DNAH14: variants seen among roughly 807,000 people sequenced by gnomAD.
The protein encoded by DNAH14 is dynein axonemal heavy chain 14, also known as axonemal beta dynein heavy chain 14.
Under a neutral mutation model 520.9 loss-of-function variants are expected in DNAH14, and 478 were observed. The ratio of observed to expected loss-of-function variants is 0.92; its 90% confidence interval spans 0.85 to 0.99. DNAH14 has a LOEUF of 0.99. Ranked by LOEUF, DNAH14 falls within the 50% of genes least tolerant of loss-of-function variation. The probability of loss-of-function intolerance (pLI) is 0.00; values close to 1 mark genes in which losing one functional copy is unlikely to be tolerated. For missense variants in DNAH14, 4,831 were observed against 5,234.5 expected, an observed-to-expected ratio of 0.92 and a Z score of 2.38; for synonymous variants, 1,581 against 1,757.2, an observed-to-expected ratio of 0.90 and a Z score of 2.51.
At chr1:225,361,435 G>A (rs1201188265) in intron 75 of DNAH14, among the ~76,000 whole-genome samples, 1 of 152,210 alleles carries the variant, frequency 6.6e-6, no homozygotes, top group African/African-American at 2.4e-5. Context: ...GTTTATTGCT[G>A]TAATTTGAGT....
At chr1:225,189,441 A>G (rs2085140302) in intron 37 of DNAH14, among the ~76,000 whole-genome samples, 1 of 148,822 alleles carries the variant, frequency 6.7e-6, no homozygotes, top group African/African-American at 2.5e-5. Flanking sequence ...GAGTTTGAGT[A>G]GGATTGGTGT....
intron 3 of DNAH14, among the ~76,000 whole-genome samples, chr1:224,957,146 A>G (rs1472212053): frequency 6.6e-6 from 1 of 152,166 alleles, no homozygotes; most frequent in Non-Finnish European, 1.5e-5. Flanking sequence ...GAGGCTGTAG[A>G]TATTCTGAAG....
chr1:224,989,337 A>G (rs187067081), intron 8 of DNAH14, among the ~76,000 whole-genome samples: 60 of 152,306 alleles, frequency 3.9e-4, no homozygotes, highest in Non-Finnish European at 2.1e-4. Flanking sequence ...GTAATTATAA[A>G]TGGGATTGAG....
At chr1:225,113,785 G>T (rs190241261) in intron 23 of DNAH14, among the ~76,000 whole-genome samples, 20 of 152,266 alleles carry the variant, frequency 1.3e-4, no homozygotes, top group Non-Finnish European at 1.3e-4. Flanking sequence ...AGGGAGTACT[G>T]CCGGGGTACC....
At chr1:225,289,835 A>C in intron 54 of DNAH14, 50 bp from the exon 55 acceptor site, 1 of 1,218,620 alleles carries the variant, frequency 8.2e-7, no homozygotes, top group Non-Finnish European at 1.1e-6. Context: ...TATACGTTGA[A>C]AGATTCCCAG....
chr1:225,377,199 G>A (rs2095712112), intron 78 of DNAH14, 38 bp from the exon 79 acceptor site: 12 of 1,390,702 alleles, frequency 8.6e-6, no homozygotes, highest in African/African-American at 1.5e-5. Flanking sequence ...GAAGTAGCAG[G>A]ATTGAAGAAA....
intron 60 of DNAH14, among the ~76,000 whole-genome samples, chr1:225,313,799 T>C (rs952895457): frequency 6.6e-6 from 1 of 152,238 alleles, no homozygotes; most frequent in African/African-American, 2.4e-5. Flanking sequence ...CACTGTGGTC[T>C]GAGAGACTGT....
intron 55 of DNAH14, among the ~76,000 whole-genome samples, 196 bp downstream of exon 55, chr1:225,290,278 G>A (rs1381908778): frequency 3.3e-5 from 5 of 151,824 alleles, no homozygotes; most frequent in South Asian, 2.1e-4. Context: ...TTGTAATGAC[G>A]CCATAGGTAG....
intron 2 of DNAH14, 181 bp downstream of exon 2, chr1:224,952,960 T>C (rs886492973): frequency 4.9e-6 from 2 of 404,534 alleles, no homozygotes; most frequent in Non-Finnish European, 8.7e-6. Flanking sequence ...ACAGGCAAAT[T>C]AACCCTGGTT....
chr1:225,183,980 A>G (rs1427609731), intron 36 of DNAH14, among the ~76,000 whole-genome samples: 1 of 152,184 alleles, frequency 6.6e-6, no homozygotes, highest in Non-Finnish European at 1.5e-5. Context: ...TCACAGTCAA[A>G]TTCTACCAGA....
chr1:225,141,339 ATT>A, intron 28 of DNAH14, among the ~76,000 whole-genome samples: 1 of 152,050 alleles, frequency 6.6e-6, no homozygotes, highest in East Asian at 1.9e-4. Context: ...TTATTATGTC[ATT>A]GTTTTTCATC....
At chr1:225,002,227 G>A (rs987409097) in intron 8 of DNAH14, among the ~76,000 whole-genome samples, 1 of 151,902 alleles carries the variant, frequency 6.6e-6, no homozygotes. Flanking sequence ...TTTTCTCCCC[G>A]AGTTCTGTCT....
intron 23 of DNAH14, among the ~76,000 whole-genome samples, chr1:225,114,253 T>G (rs542592820): frequency 1.7e-4 from 26 of 152,302 alleles, no homozygotes; most frequent in African/African-American, 5.8e-4. Context: ...GGTTCCCTTC[T>G]GACCCAGAGT....
chr1:225,308,522 A>G (rs2094295508), intron 60 of DNAH14, 112 bp downstream of exon 60: 8 of 1,070,482 alleles, frequency 7.5e-6, no homozygotes, highest in Non-Finnish European at 1.0e-5. Context: ...TGCCCCAACT[A>G]TGGTTACTTT....
At chr1:225,291,254 A>G (rs540675858) in intron 55 of DNAH14, among the ~76,000 whole-genome samples, 12 of 152,244 alleles carry the variant, frequency 7.9e-5, no homozygotes, top group Admixed American at 4.6e-4. Context: ...TTCTTTAGTC[A>G]TTCATTCACT....
chr1:225,079,672 C>CT (rs58242386), intron 18 of DNAH14, 124 bp downstream of exon 18: 47,181 of 323,004 alleles, frequency 0.15, 151 homozygotes, highest in Middle Eastern at 0.17. Context: ...TACAAGTATT[C>CT]TTTTTTTTTT....
At chr1:225,051,881 A>G (rs1007446663) in intron 17 of DNAH14, 86 bp downstream of exon 17, 1 of 945,754 alleles carries the variant, frequency 1.1e-6, no homozygotes, top group Non-Finnish European at 1.5e-6. Context: ...AGAATATATG[A>G]TATCATGTCA....
intron 12 of DNAH14, 104 bp from the exon 13 acceptor site, chr1:225,042,731 C>G: frequency 2.4e-6 from 3 of 1,234,486 alleles, no homozygotes; most frequent in Non-Finnish European, 3.3e-6. Flanking sequence ...CTCGGTTATA[C>G]TGGAGTTATG....
chr1:224,968,754 T>C lies in DNAH14; in HGVS notation c.652-5T>C. On this transcript the variant is annotated splice_polypyrimidine_tract_variant and splice_region_variant and intron_variant, in intron 6 of 85. Transcript: ENST00000682510. Reference sequence around the variant, plus strand: ...AAAATAATGCTTTTGTGCTTTATTTTGTAGGTTATTAATATAGTTGGTAGT... The same window carrying C: ...AAAATAATGCTTTTGTGCTTTATTTCGTAGGTTATTAATATAGTTGGTAGT... 1 of 1,401,204 alleles carries C rather than the reference T, an allele frequency of 7.1e-7. No homozygotes were observed. Among genetic ancestry groups the C allele is most frequent in the Non-Finnish European group, 9.5e-7 (1 of 1,053,134 alleles). 86.8% of individuals were successfully genotyped at this position (1,401,204 alleles called of 1,614,324 possible). A position where few individuals can be genotyped will look rare whatever the true frequency, so the allele number is the denominator to read the frequency against.
Sources: gnomAD v4.1 joint callset for allele counts (sites outside exome capture counted in the v4.1 genomes callset) on GRCh38, gnomAD v4.1.1 for gene constraint, MANE v1.5 for transcripts, NCBI Gene and HGNC (gene_info 2026-07-23, HGNC 2026-07-21) for gene names.